The following GPC5 variants were observed in gnomAD, a reference collection of about 807,000 sequenced individuals.
GPC5 encodes the protein glypican 5.
In GPC5, 47 loss-of-function variants were observed where a neutral mutation model predicts 53.9. The ratio of observed to expected loss-of-function variants is 0.87; its 90% CI spans 0.69 to 1.11. The LOEUF is 1.11. Among genes scored for constraint, GPC5 ranks in the 50% most tolerant of loss-of-function variants. The pLI, the probability that GPC5 is intolerant of heterozygous loss-of-function variation, is 0.00. For synonymous variants in GPC5, 286 were observed against 263.3 expected, an observed-to-expected ratio of 1.09 and a Z score of -0.84; for missense variants, 748 against 713.1, an observed-to-expected ratio of 1.05 and a Z score of -0.56.
intron 6 of GPC5, among the ~76,000 whole-genome samples, chr13:92,116,199 T>C (rs953708083): frequency 6.6e-6 from 1 of 152,010 alleles, no homozygotes; most frequent in South Asian, 2.1e-4. Context: ...CAGTGAGCCA[T>C]GATTGTACCA....
chr13:92,291,795 A>G (rs2042998322), intron 7 of GPC5, among the ~76,000 whole-genome samples: 1 of 152,186 alleles, frequency 6.6e-6, no homozygotes, highest in African/African-American at 2.4e-5. Context: ...CAGCGAGACC[A>G]CAAACCCACC....
intron 7 of GPC5, among the ~76,000 whole-genome samples, chr13:92,307,248 T>C (rs960112562): frequency 1.3e-5 from 2 of 152,198 alleles, no homozygotes; most frequent in African/African-American, 4.8e-5. Context: ...AAGAAATTTG[T>C]GGAGTTTGAG....
At chr13:92,676,805 T>C (rs1886957676) in intron 7 of GPC5, among the ~76,000 whole-genome samples, 1 of 152,146 alleles carries the variant, frequency 6.6e-6, no homozygotes, top group Non-Finnish European at 1.5e-5. Context: ...CCGAACATGG[T>C]CAAGTTAGAG....
At chr13:92,167,079 A>T (rs2042037166) in intron 7 of GPC5, among the ~76,000 whole-genome samples, 1 of 152,018 alleles carries the variant, frequency 6.6e-6, no homozygotes, top group Non-Finnish European at 1.5e-5. Flanking sequence ...GAATGTAAAT[A>T]AGGATTTTAC....
At chr13:92,057,563 T>C (rs2041085782) in intron 6 of GPC5, among the ~76,000 whole-genome samples, 1 of 140,672 alleles carries the variant, frequency 7.1e-6, no homozygotes, top group Admixed American at 7.2e-5. Flanking sequence ...TTGTGATGCA[T>C]CCAGAAGTAG....
intron 7 of GPC5, among the ~76,000 whole-genome samples, chr13:92,621,980 G>A (rs1283809869): frequency 6.6e-6 from 1 of 152,098 alleles, no homozygotes; most frequent in Admixed American, 6.5e-5. Context: ...CAAGCTCTCT[G>A]TGTATCTTCC....
At chr13:91,549,756 C>T (rs1203734577) in intron 2 of GPC5, among the ~76,000 whole-genome samples, 1 of 152,108 alleles carries the variant, frequency 6.6e-6, no homozygotes, top group Non-Finnish European at 1.5e-5. Context: ...AACACTGACC[C>T]ACACTAAATG....
chr13:91,934,980 G>T (rs540284043), intron 6 of GPC5, among the ~76,000 whole-genome samples: 1 of 152,038 alleles, frequency 6.6e-6, no homozygotes, highest in East Asian at 1.9e-4. Context: ...TTTACACAGG[G>T]TTTTAAGCTG....
chr13:92,839,392 C>T (rs534617833), intron 7 of GPC5, among the ~76,000 whole-genome samples: 1 of 152,192 alleles, frequency 6.6e-6, no homozygotes, highest in East Asian at 1.9e-4. Flanking sequence ...CAGATTATCT[C>T]ATCACGCAGG....
In GPC5 at chr13:91,997,799, C is replaced by T. The variant is rs537430570; in HGVS notation, c.1401+89742C>T. ...CCTCCCAAAGTGCTGGGATTACAGG[C>T]GTGAGCCACCACACCTGGCCCCTCT... On this transcript the variant is annotated intron_variant, in intron 6 of 7. Transcript: ENST00000377067. 6.4e-4 allele frequency among the ~76,000 whole-genome samples: 97 copies of T among 152,256 alleles called. 1 individual carries two copies. Among genetic ancestry groups the T allele is most frequent in the African/African-American group, 2.2e-3 (93 of 41,538 alleles).
At chr13:92,277,731 AT>A (rs949062632) in intron 7 of GPC5, among the ~76,000 whole-genome samples, 6 of 151,936 alleles carry the variant, frequency 3.9e-5, no homozygotes, top group Admixed American at 3.9e-4. Context: ...GATCACAAAA[AT>A]GGCACTGCAG....
At chr13:92,162,586 G>A (rs570523335) in intron 7 of GPC5, among the ~76,000 whole-genome samples, 7 of 152,278 alleles carry the variant, frequency 4.6e-5, no homozygotes, top group African/African-American at 7.2e-5. Context: ...CTACAAAAAC[G>A]TGAAGCAGAA....
intron 6 of GPC5, among the ~76,000 whole-genome samples, chr13:91,919,411 C>G (rs2039689683): frequency 6.6e-6 from 1 of 152,182 alleles, no homozygotes; most frequent in East Asian, 1.9e-4. Context: ...TTATCATTTG[C>G]AGCAGAATCC....
At chr13:91,618,223 C>G (rs1291733713) in intron 2 of GPC5, among the ~76,000 whole-genome samples, 1 of 151,992 alleles carries the variant, frequency 6.6e-6, no homozygotes, top group Non-Finnish European at 1.5e-5. Flanking sequence ...GAGAGATTCT[C>G]TAATAATGCA....
At chr13:92,692,859 TA>T (rs971374230) in intron 7 of GPC5, among the ~76,000 whole-genome samples, 1 of 150,832 alleles carries the variant, frequency 6.6e-6, no homozygotes, top group Non-Finnish European at 1.5e-5. Context: ...TTAGTGATTA[TA>T]AGCACTAATA....
intron 2 of GPC5, among the ~76,000 whole-genome samples, chr13:91,551,934 G>A (rs2030664490): frequency 1.3e-5 from 2 of 151,982 alleles, no homozygotes; most frequent in Admixed American, 6.6e-5. Context: ...TATATAGTAA[G>A]TACATATTTT....
intron 7 of GPC5, among the ~76,000 whole-genome samples, chr13:92,821,632 A>T (rs1326560272): frequency 2.0e-5 from 3 of 152,134 alleles, no homozygotes; most frequent in Non-Finnish European, 4.4e-5. Flanking sequence ...ATTTCCTCAT[A>T]AACCAGTATT....
intron 2 of GPC5, among the ~76,000 whole-genome samples, chr13:91,550,762 G>A (rs1031938903): frequency 6.6e-6 from 1 of 152,014 alleles, no homozygotes; most frequent in African/African-American, 2.4e-5. Flanking sequence ...TCAAGGGTGG[G>A]GCCAGAGGGA....
intron 5 of GPC5, among the ~76,000 whole-genome samples, chr13:91,887,936 AC>A (rs1259075969): frequency 6.6e-6 from 1 of 151,718 alleles, no homozygotes. Context: ...AACTGTTACA[AC>A]CTCTGCTTGT....
Sources: gnomAD v4.1 joint callset for allele counts (sites outside exome capture counted in the v4.1 genomes callset) on GRCh38, gnomAD v4.1.1 for gene constraint, MANE v1.5 for transcripts, NCBI Gene and HGNC (gene_info 2026-07-23, HGNC 2026-07-21) for gene names.